Variants in WBP4 observed in about 807,000 individuals in gnomAD.
The protein encoded by WBP4 is WW domain binding protein 4.
A neutral mutation model predicts 55.4 loss-of-function variants in WBP4; 37 were observed. The ratio of observed to expected loss-of-function variants is 0.67; its 90% confidence interval spans 0.51 to 0.88. The LOEUF (loss-of-function observed/expected upper bound fraction) is 0.88. Among genes scored for constraint, WBP4 ranks in the 40% least tolerant of loss-of-function variants. The pLI is 0.00. For missense variants in WBP4, 398 were observed against 420.8 expected (o/e 0.95, Z 0.47); for synonymous variants, 142 against 140.2 (o/e 1.01, Z -0.09).
intron 2 of WBP4, among the ~76,000 whole-genome samples, chr13:41,064,160 C>G (rs1024033511): frequency 6.6e-6 from 1 of 151,698 alleles, no homozygotes; most frequent in Non-Finnish European, 1.5e-5. Flanking sequence ...AGGTAATGTA[C>G]TGTATATATT....
intron 5 of WBP4, among the ~76,000 whole-genome samples, chr13:41,069,718 A>G (rs1402381332): frequency 6.6e-6 from 1 of 150,726 alleles, no homozygotes; most frequent in African/African-American, 2.4e-5. Flanking sequence ...AAAAAAAAAA[A>G]AAAAAAAAAA....
intron 8 of WBP4, among the ~76,000 whole-genome samples, chr13:41,079,180 C>T (rs571192710): frequency 7.2e-5 from 11 of 152,152 alleles, no homozygotes; most frequent in Non-Finnish European, 1.6e-4. Context: ...GTGGCCAAAA[C>T]ACATGAATAA....
At chr13:41,072,942 G>A in intron 7 of WBP4, 85 bp downstream of exon 7, 1 of 1,051,658 alleles carries the variant, frequency 9.5e-7, no homozygotes, top group Non-Finnish European at 1.4e-6. Flanking sequence ...TCTGAACTTG[G>A]AAATTTTAGT....
intron 6 of WBP4, 22 bp downstream of exon 6, chr13:41,071,595 TG>T (rs1326353065): frequency 6.3e-7 from 1 of 1,588,954 alleles, no homozygotes; most frequent in African/African-American, 1.4e-5. Context: ...ATATTAATAG[TG>T]TTTTTGTTTT....
chr13:41,076,154 T>A lies in WBP4; in HGVS notation c.673T>A (p.Ser225Thr). Residue 225 changes from serine (S) to threonine (T), a missense_variant, in exon 8 of 10, where the codon TCG becomes ACG. Physicochemically the swap from Ser to Thr is moderately conservative, Grantham distance 58. Coordinates refer to ENST00000379487, the MANE Select transcript of WBP4 (RefSeq NM_007187.5). The part of the protein sequence containing the change: ...GTLDESKSSD[S>T]HSDSDGEQEA... ...CCTAGATGAATCCAAATCATCAGAT[T>A]CGCATAGTGATTCTGATGGGGAACA... 2 of 1,613,628 alleles carry A rather than the reference T, an allele frequency of 1.2e-6. No individual in the cohort carries two copies. Among genetic ancestry groups the A allele is most frequent in the Non-Finnish European group, 1.7e-6 (2 of 1,179,960 alleles).
intron 1 of WBP4, chr13:41,062,131 C>G: frequency 1.3e-5 from 8 of 636,166 alleles, no homozygotes; most frequent in Non-Finnish European, 1.5e-5. Flanking sequence ...TTTTGTCGGC[C>G]GTCTACGAAG....
At chr13:41,072,964 A>G in intron 7 of WBP4, 107 bp downstream of exon 7, 2 of 782,518 alleles carry the variant, frequency 2.6e-6, no homozygotes, top group East Asian at 2.8e-5. Flanking sequence ...TACAATAAAC[A>G]TATTTGTGTA....
intron 4 of WBP4, among the ~76,000 whole-genome samples, chr13:41,067,778 A>G (rs1016383456): frequency 7.9e-5 from 12 of 151,856 alleles, no homozygotes; most frequent in Non-Finnish European, 1.3e-4. Context: ...AGGAATATTA[A>G]CCCTTTGCCA....
In WBP4 at chr13:41,068,654, GA is replaced by G. The variant is rs749603644; in HGVS notation, c.363del (p.Asp122IlefsTer8). On this transcript the variant is annotated frameshift_variant, in exon 5 of 10. Coordinates refer to ENST00000379487, the MANE Select transcript of WBP4 (RefSeq NM_007187.5). LOFTEE classifies it high-confidence loss of function. ...QQKEKKEKKKRKKDPSKGRWV... is the reference protein window; with the variant it reads ...QQKEKKEKKKXKKDPSKGRWV... ...AAAGAAAAGAAAGAAAAGAAGAAAA[GA>G]AAAAAAGATCCTTCAAAGGGCAGAT... The G allele has an allele frequency of 1.2e-6, 2 of 1,613,380 alleles. No individual in the cohort carries two copies. Among genetic ancestry groups the G allele is most frequent in the East Asian group, 2.2e-5 (1 of 44,832 alleles).
At chr13:41,073,386 A>G (rs1878335425) in intron 7 of WBP4, among the ~76,000 whole-genome samples, 1 of 151,928 alleles carries the variant, frequency 6.6e-6, no homozygotes, top group South Asian at 2.1e-4. Context: ...GTGGTGGCAC[A>G]TGCCTGTAAT....
rs1398128182 is a variant in WBP4 at position 41,083,594 on chromosome 13, G to A, written c.*680G>A. On this transcript the variant is annotated 3_prime_UTR_variant, in exon 10 of 10. Transcript: ENST00000379487. The stretch of plus-strand genomic sequence containing the variant: ...TAGGAATCCAGGGATAAAGATGAAT[G>A]AAATGTATTTCTGTTCTTCAGGAGT... 6.6e-6 allele frequency: 1 copy of A among 152,274 alleles called. No individual in the cohort carries two copies. Among genetic ancestry groups the A allele is most frequent in the Non-Finnish European group, 1.5e-5 (1 of 68,100 alleles). The allele number at this position is 152,274 out of a possible 1,614,324, so 9.4% of individuals were successfully genotyped here.
intron 1 of WBP4, among the ~76,000 whole-genome samples, 189 bp from the exon 2 acceptor site, chr13:41,062,455 T>C (rs1877727922): frequency 6.6e-6 from 1 of 152,188 alleles, no homozygotes. Context: ...ACAGACTTTT[T>C]CTACTCCGCT....
chr13:41,062,337 G>T, intron 1 of WBP4: 1 of 945,880 alleles, frequency 1.1e-6, no homozygotes, highest in Non-Finnish European at 1.3e-6. Context: ...AGCCAGAAAG[G>T]ATAAATGTTC....
intron 9 of WBP4, among the ~76,000 whole-genome samples, chr13:41,082,187 G>A (rs868376483): frequency 1.3e-4 from 20 of 152,126 alleles, no homozygotes; most frequent in South Asian, 8.3e-4. Context: ...ATCTCGACTC[G>A]CTGCAACCTC....
At chr13:41,071,447 T>C in intron 5 of WBP4, 80 bp from the exon 6 acceptor site, 1 of 1,189,990 alleles carries the variant, frequency 8.4e-7, no homozygotes, top group African/African-American at 1.5e-5. Context: ...ACATAATGAC[T>C]GTAAATTTTG....
At chr13:41,066,767 G>T (rs1877991309) in intron 4 of WBP4, among the ~76,000 whole-genome samples, 1 of 135,790 alleles carries the variant, frequency 7.4e-6, no homozygotes, top group African/African-American at 2.4e-5. Context: ...AAAGAGTGCG[G>T]CATTAAGCAT....
At chr13:41,072,640 A>C in intron 6 of WBP4, 142 bp from the exon 7 acceptor site, 1 of 660,758 alleles carries the variant, frequency 1.5e-6, no homozygotes, top group South Asian at 1.9e-5. Flanking sequence ...TTACAAGTCT[A>C]CATGAGATTT....
rs570854837 is a variant in WBP4 at position 41,062,102 on chromosome 13, T to G, written c.2+427T>G. 57 of 876,114 alleles carry G rather than the reference T, an allele frequency of 6.5e-5. No individual in the cohort carries two copies. In the African/African-American group the frequency reaches 8.3e-4, roughly 13 times the overall value. 54.3% of individuals were successfully genotyped at this position (876,114 alleles called of 1,614,324 possible). A position where few individuals can be genotyped will look rare whatever the true frequency, so the allele number is the denominator to read the frequency against. On this transcript the variant is annotated intron_variant, in intron 1 of 9. Coordinates refer to ENST00000379487, the MANE Select transcript of WBP4 (RefSeq NM_007187.5). ...AGCCCTGGATAGCGTAATGGTTTTT[T>G]TTTTTTTTTTTTTTTTTTTTTTGTC...
chr13:41,071,393 T>C (rs1259911933), intron 5 of WBP4, 134 bp from the exon 6 acceptor site: 2 of 687,178 alleles, frequency 2.9e-6, no homozygotes, highest in Non-Finnish European at 4.9e-6. Context: ...TGTTCTGTTT[T>C]ATTTTTCAAA....
Sources: gnomAD v4.1 joint callset for allele counts (sites outside exome capture counted in the v4.1 genomes callset) on GRCh38, gnomAD v4.1.1 for gene constraint, MANE v1.5 for transcripts, NCBI Gene and HGNC (gene_info 2026-07-23, HGNC 2026-07-21) for gene names.